Variants in XPR1 observed in about 807,000 individuals in gnomAD.
XPR1 encodes the protein xenotropic and polytropic retrovirus receptor 1.
A neutral mutation model predicts 87.5 loss-of-function variants in XPR1; 28 were observed. The observed-to-expected ratio is 0.32, with a 90% confidence interval of 0.24 to 0.44. The LOEUF (loss-of-function observed/expected upper bound fraction) is 0.44, where lower values mean the gene tolerates loss of function less well. XPR1 is among the 20% of genes least tolerant of loss of function. The pLI is 1.00. For missense variants in XPR1, 559 were observed against 862.3 expected, an observed-to-expected ratio of 0.65 and a Z score of 4.41; for synonymous variants, 300 against 306.1, an observed-to-expected ratio of 0.98 and a Z score of 0.21.
intron 6 of XPR1, 84 bp from the exon 7 acceptor site, chr1:180,811,323 A>T: frequency 1.9e-6 from 2 of 1,072,108 alleles, no homozygotes; most frequent in Non-Finnish European, 2.8e-6. Flanking sequence ...GAACTTTGAG[A>T]CTCATTCTAC....
In XPR1 at chr1:180,860,699, A is replaced by C. The variant is rs1297436182; in HGVS notation, c.1502-3009A>C. Among the ~76,000 whole-genome samples the C allele has an allele frequency of 2.6e-5, 4 of 151,982 alleles. No individual in the cohort carries two copies. In the East Asian group the frequency reaches 5.8e-4, roughly 22 times the overall value. On this transcript the variant is annotated intron_variant, in intron 11 of 14. Transcript: ENST00000367590. ...GACTGGTGGTTGTCCGTGGGGCTAC[A>C]ATGGAGTGTGTGGGAATTCTTTGGA...
intron 2 of XPR1, among the ~76,000 whole-genome samples, chr1:180,684,058 C>T (rs1293374983): frequency 6.6e-5 from 10 of 151,872 alleles, no homozygotes; most frequent in East Asian, 1.9e-4. Flanking sequence ...CCTGAATTAC[C>T]GGTATTGCCT....
chr1:180,736,503 GT>G (rs1257905667), intron 2 of XPR1, among the ~76,000 whole-genome samples: 1 of 152,162 alleles, frequency 6.6e-6, no homozygotes, highest in Non-Finnish European at 1.5e-5. Context: ...TCCGTAGTTT[GT>G]TAGTAGAATA....
In XPR1 at chr1:180,811,976, GAGAT is replaced by G. The variant is rs1277713793; in HGVS notation, c.763+491_763+494del. 2.0e-5 allele frequency among the ~76,000 whole-genome samples: 3 copies of G among 152,224 alleles called. No individual in the cohort carries two copies. The East Asian group carries it at 5.8e-4, about 29-fold the overall frequency. ...CTATAGAAGTAAAAACAATTAGAAA[GAGAT>G]AGGAAGGATTCCTAGGAGCAGCTGC... is the stretch of plus-strand genomic sequence containing the variant. On this transcript the variant is annotated intron_variant, in intron 7 of 14. Coordinates refer to ENST00000367590, the MANE Select transcript of XPR1 (RefSeq NM_004736.4).
At chr1:180,702,930 C>T (rs901107755) in intron 2 of XPR1, among the ~76,000 whole-genome samples, 1 of 152,082 alleles carries the variant, frequency 6.6e-6, no homozygotes, top group Non-Finnish European at 1.5e-5. Flanking sequence ...TATGGATTGA[C>T]TTTCTTAGAG....
At chr1:180,831,548 C>CTT in intron 9 of XPR1, among the ~76,000 whole-genome samples, 1 of 114,768 alleles carries the variant, frequency 8.7e-6, no homozygotes, top group South Asian at 3.3e-4. Context: ...CCTCCCCCTG[C>CTT]CCCCCACCCC....
At chr1:180,653,815 T>C (rs1325205478) in intron 1 of XPR1, among the ~76,000 whole-genome samples, 2 of 152,208 alleles carry the variant, frequency 1.3e-5, no homozygotes, top group Non-Finnish European at 2.9e-5. Context: ...GTTGATCTGG[T>C]AACTGCATTG....
At chr1:180,824,331 C>G (rs2102150992) in intron 7 of XPR1, among the ~76,000 whole-genome samples, 1 of 152,186 alleles carries the variant, frequency 6.6e-6, no homozygotes, top group South Asian at 2.1e-4. Flanking sequence ...GCCTGTAATC[C>G]CAACACTTTG....
chr1:180,727,781 A>G (rs185124435), intron 2 of XPR1, among the ~76,000 whole-genome samples: 88 of 152,350 alleles, frequency 5.8e-4, no homozygotes, highest in African/African-American at 2.0e-3. Context: ...GTGCTAAACA[A>G]GGGGTGGATT....
At chr1:180,848,068 C>G (rs1651745566) in intron 11 of XPR1, among the ~76,000 whole-genome samples, 1 of 151,984 alleles carries the variant, frequency 6.6e-6, no homozygotes, top group Admixed American at 6.5e-5. Context: ...AAAATTGATA[C>G]AAGATAATTA....
intron 2 of XPR1, among the ~76,000 whole-genome samples, chr1:180,770,971 G>A (rs796093478): frequency 1.2e-4 from 18 of 152,164 alleles, no homozygotes; most frequent in African/African-American, 4.1e-4. Flanking sequence ...TTTTTATAAT[G>A]GGTTAGTGCC....
Position 180,887,938 on chromosome 1 carries a change from A to G in XPR1, c.*3872A>G, listed in dbSNP as rs1653065678. On this transcript the variant is annotated 3_prime_UTR_variant, in exon 15 of 15. Transcript: ENST00000367590. ...TAAGAACAGAAAAAAGTAAAGTAGT[A>G]TTGAGTCATGCAGGTATCAGATTAA... 1 of 152,262 alleles carries G rather than the reference A, an allele frequency of 6.6e-6. No homozygotes were observed. Among genetic ancestry groups the G allele is most frequent in the South Asian group, 2.1e-4 (1 of 4,838 alleles). 9.4% of individuals were successfully genotyped at this position (152,262 alleles called of 1,614,324 possible).
intron 2 of XPR1, among the ~76,000 whole-genome samples, chr1:180,765,678 A>G (rs1345886193): frequency 1.3e-5 from 2 of 152,226 alleles, no homozygotes; most frequent in Non-Finnish European, 2.9e-5. Flanking sequence ...ACCTTATGCA[A>G]TGTAAATACT....
chr1:180,758,200 G>A (rs1647836753), intron 2 of XPR1, among the ~76,000 whole-genome samples: 1 of 150,956 alleles, frequency 6.6e-6, no homozygotes, highest in Admixed American at 6.6e-5. Flanking sequence ...CGGCAATATG[G>A]ATGGACCTGC....
intron 2 of XPR1, among the ~76,000 whole-genome samples, chr1:180,755,454 A>G (rs1026986689): frequency 6.6e-6 from 1 of 152,224 alleles, no homozygotes; most frequent in Non-Finnish European, 1.5e-5. Flanking sequence ...CACAAAATGC[A>G]TACATGTGCA....
At chr1:180,848,667 T>C (rs997314629) in intron 11 of XPR1, among the ~76,000 whole-genome samples, 1 of 152,172 alleles carries the variant, frequency 6.6e-6, no homozygotes, top group Non-Finnish European at 1.5e-5. Context: ...TCTTTTTCTT[T>C]GGACTGAAAT....
At chr1:180,703,235 C>T (rs1657418202) in intron 2 of XPR1, among the ~76,000 whole-genome samples, 1 of 152,010 alleles carries the variant, frequency 6.6e-6, no homozygotes, top group Admixed American at 6.6e-5. Context: ...TGTGTGGATG[C>T]CAGCAGTAGT....
Position 180,837,933 on chromosome 1 carries a change from A to G in XPR1, c.1501+1217A>G, listed in dbSNP as rs1651360488. Among the ~76,000 whole-genome samples the G allele has an allele frequency of 2.0e-5, 3 of 152,220 alleles. 1 individual carries two copies. The South Asian group carries it at 6.2e-4, about 31-fold the overall frequency. On this transcript the variant is annotated intron_variant, in intron 11 of 14. Transcript: ENST00000367590. ...CTTTACTTTTCTTCCATCCCAGGTA[A>G]AAATGAGTACTGTTTTTTGGTCGAA...
At chr1:180,645,478 C>T (rs1376324761) in intron 1 of XPR1, among the ~76,000 whole-genome samples, 1 of 152,210 alleles carries the variant, frequency 6.6e-6, no homozygotes. Context: ...CCCGAAGTGA[C>T]AGATTGAGTT....
Sources: gnomAD v4.1 joint callset for allele counts (sites outside exome capture counted in the v4.1 genomes callset) on GRCh38, gnomAD v4.1.1 for gene constraint, MANE v1.5 for transcripts, NCBI Gene and HGNC (gene_info 2026-07-23, HGNC 2026-07-21) for gene names.